The following MRC2 variants were observed in gnomAD, a reference collection of about 807,000 sequenced individuals.
The protein encoded by MRC2 is mannose receptor C-type 2.
Under a neutral mutation model 206.2 loss-of-function variants are expected in MRC2, and 84 were observed. That is an observed-to-expected ratio of 0.41 (90% CI 0.34 to 0.49). MRC2 has a LOEUF of 0.49. Ranked by LOEUF, MRC2 falls within the 20% of genes least tolerant of loss-of-function variation. The pLI is 0.31. For missense variants in MRC2, 1,676 were observed against 2,001.5 expected (o/e 0.84, Z 3.10); for synonymous variants, 798 against 800.0 (o/e 1.00, Z 0.04).
In MRC2 at chr17:62,662,948, A is replaced by G. The variant is rs145211673; in HGVS notation, c.119-1600A>G. Reference sequence around the variant, plus strand: ...AAAAAAGAAACAAAAGAAAATAAACACTAGCAGTCGGATTCATCATTTCAA... The same window carrying G: ...AAAAAAGAAACAAAAGAAAATAAACGCTAGCAGTCGGATTCATCATTTCAA... On this transcript the variant is annotated intron_variant, in intron 1 of 29. Coordinates refer to ENST00000303375, the MANE Select transcript of MRC2 (RefSeq NM_006039.5). 1.4e-3 allele frequency among the ~76,000 whole-genome samples: 218 copies of G among 152,238 alleles called. 1 individual carries two copies. Among genetic ancestry groups the G allele is most frequent in the African/African-American group, 4.9e-3 (203 of 41,532 alleles).
rs766163104 is a variant in MRC2 at position 62,689,525 on chromosome 17, C to G, written c.3338C>G (p.Pro1113Arg). 2 of 1,564,770 alleles carry G rather than the reference C, an allele frequency of 1.3e-6. No individual in the cohort carries two copies. The highest frequency in any genetic ancestry group is 1.7e-6 in the Non-Finnish European group (2 of 1,152,328). ...HGFICQKGTD[P>R]SLSPSPAALP... ...AACCCTGACCCCTTCCCTGTAGACC[C>G]CTCCCTGAGCCCGTCCCCAGCAGCG... Residue 1113 changes from proline to arginine, a missense_variant, in exon 24 of 30, where the codon CCC becomes CGC. By Grantham distance (103) the Pro-to-Arg change is moderately radical. This residue lies in a region of MRC2 where 1,354 missense variants were observed against 1,636.6 expected (regional missense o/e 0.83). Transcript: ENST00000303375.
chr17:62,651,203 C>T (rs1395220673), intron 1 of MRC2, among the ~76,000 whole-genome samples: 1 of 151,608 alleles, frequency 6.6e-6, no homozygotes, highest in Admixed American at 6.6e-5. Context: ...TCTGCCTCAG[C>T]CTCCCAAGTA....
At chr17:62,640,551 G>A (rs567593456) in intron 1 of MRC2, among the ~76,000 whole-genome samples, 7 of 152,122 alleles carry the variant, frequency 4.6e-5, no homozygotes, top group East Asian at 1.9e-4. Context: ...ACACTGTCTC[G>A]CTCTGTTGCA....
In MRC2 at chr17:62,630,921, C is replaced by T. The variant is rs1191109750; in HGVS notation, c.118+3001C>T. Among the ~76,000 whole-genome samples the T allele has an allele frequency of 2.0e-5, 3 of 152,128 alleles. No homozygotes were observed. The East Asian group carries it at 5.8e-4, about 29-fold the overall frequency. Reference sequence around the variant, plus strand: ...AAACTCAGTTTTCCTTGCTCCAACCCTCTGGCTCTCTGTGAGTCATCAGGG... The same window carrying T: ...AAACTCAGTTTTCCTTGCTCCAACCTTCTGGCTCTCTGTGAGTCATCAGGG... On this transcript the variant is annotated intron_variant, in intron 1 of 29. Transcript: ENST00000303375.
chr17:62,631,561 C>T lies in MRC2; in HGVS notation c.118+3641C>T, dbSNP rs377443353. On this transcript the variant is annotated intron_variant, in intron 1 of 29. Coordinates refer to ENST00000303375, the MANE Select transcript of MRC2 (RefSeq NM_006039.5). ...GAAATTCTGCCTTATGTGTTCTCCC[C>T]GCCCCCATAACTCCAAGCCCTCTAG... Among the ~76,000 whole-genome samples the T allele has an allele frequency of 2.0e-4, 31 of 152,216 alleles. No homozygotes were observed. The South Asian group carries it at 5.4e-3, about 26-fold the overall frequency.
chr17:62,662,748 A>C (rs2147461501), intron 1 of MRC2, among the ~76,000 whole-genome samples: 1 of 152,124 alleles, frequency 6.6e-6, no homozygotes, highest in African/African-American at 2.4e-5. Flanking sequence ...CATCTCTACT[A>C]AAAATACAAA....
intron 20 of MRC2, among the ~76,000 whole-genome samples, chr17:62,686,286 C>G (rs545643942): frequency 6.6e-6 from 1 of 152,222 alleles, no homozygotes; most frequent in South Asian, 2.1e-4. Flanking sequence ...AACCCTGTCT[C>G]TACTAAAAAT....
Position 62,692,657 on chromosome 17 carries a change from C to T in MRC2, c.*206C>T, listed in dbSNP as rs762009217. On this transcript the variant is annotated 3_prime_UTR_variant, in exon 30 of 30. Coordinates refer to ENST00000303375, the MANE Select transcript of MRC2 (RefSeq NM_006039.5). The surrounding 1 kb of genome is among the most constrained non-coding windows in gnomAD (Gnocchi z 4.2). ...TGGGCTGAGACCCAGCTGAGTGCAG[C>T]GTGGCGTTTCCCTTTCTGGGGGGGC... 8.1e-5 allele frequency: 46 copies of T among 571,092 alleles called. No individual in the cohort carries two copies. The highest frequency in any genetic ancestry group is 2.2e-4 in the South Asian group (10 of 45,634). 35.4% of individuals were successfully genotyped at this position (571,092 alleles called of 1,614,324 possible). A position where few individuals can be genotyped will look rare whatever the true frequency, so the allele number is the denominator to read the frequency against.
intron 1 of MRC2, among the ~76,000 whole-genome samples, chr17:62,656,651 C>T (rs568241668): frequency 1.3e-5 from 2 of 152,300 alleles, no homozygotes; most frequent in South Asian, 2.1e-4. Context: ...GTGCTGCAGC[C>T]GACCCAAGAG....
chr17:62,681,820 G>A lies in MRC2; in HGVS notation c.2703-17G>A. ...GGGGGCCGGTGCTGGAGTTACCTCT[G>A]CTCCATGCCATTGCAGATGGACAGA... On this transcript the variant is annotated splice_polypyrimidine_tract_variant and intron_variant, in intron 18 of 29. Transcript: ENST00000303375. The A allele has an allele frequency of 3.1e-6, 5 of 1,603,918 alleles. No homozygotes were observed. Among genetic ancestry groups the A allele is most frequent in the Non-Finnish European group, 4.3e-6 (5 of 1,172,768 alleles).
rs111697298 is a variant in MRC2 at position 62,683,192 on chromosome 17, C to T, written c.2946+815C>T. On this transcript the variant is annotated intron_variant, in intron 20 of 29. Transcript: ENST00000303375. Reference sequence around the variant, plus strand: ...TAAGTTTAAAACATTTTTTTGGCTGCGCGTGGTGGGTCATGCCTGTAATCC... The same window carrying T: ...TAAGTTTAAAACATTTTTTTGGCTGTGCGTGGTGGGTCATGCCTGTAATCC... 7.9e-4 allele frequency among the ~76,000 whole-genome samples: 120 copies of T among 151,822 alleles called. 1 individual carries two copies. Among genetic ancestry groups the T allele is most frequent in the African/African-American group, 2.8e-3 (116 of 41,464 alleles).
At chr17:62,663,603 G>A (rs2429391) in intron 1 of MRC2, among the ~76,000 whole-genome samples, 116,593 of 151,968 alleles carry the variant, frequency 0.77, 45,572 homozygotes, top group African/African-American at 0.93. Context: ...ATTTCCCCCA[G>A]TGACTTCTAC....
chr17:62,630,643 G>A (rs939719934), intron 1 of MRC2, among the ~76,000 whole-genome samples: 2 of 152,168 alleles, frequency 1.3e-5, no homozygotes, highest in African/African-American at 4.8e-5. Flanking sequence ...GGAGGTTTCC[G>A]AGCAGAGGAA....
intron 6 of MRC2, among the ~76,000 whole-genome samples, chr17:62,670,457 C>T (rs1170237075): frequency 6.6e-6 from 1 of 152,234 alleles, no homozygotes; most frequent in African/African-American, 2.4e-5. Context: ...TGTGGCTGGA[C>T]CACTGGAATC....
chr17:62,657,640 G>A (rs1305240192), intron 1 of MRC2, among the ~76,000 whole-genome samples: 1 of 149,584 alleles, frequency 6.7e-6, no homozygotes, highest in African/African-American at 2.5e-5. Context: ...AGGCTGGGGG[G>A]TGGGTGAGGC....
intron 11 of MRC2, among the ~76,000 whole-genome samples, chr17:62,676,774 C>T (rs1175560969): frequency 1.3e-5 from 2 of 152,194 alleles, no homozygotes; most frequent in African/African-American, 4.8e-5. Context: ...ATGATCCTTT[C>T]CTCATAGGGA....
At chr17:62,642,975 G>A (rs953048030) in intron 1 of MRC2, among the ~76,000 whole-genome samples, 64 of 152,164 alleles carry the variant, frequency 4.2e-4, no homozygotes, top group African/African-American at 1.5e-3. Context: ...GCCACAGCAT[G>A]GATGGAGTTC....
At chr17:62,681,315 G>C (rs1226293666) in intron 18 of MRC2, 186 bp downstream of exon 18, 1 of 659,620 alleles carries the variant, frequency 1.5e-6, no homozygotes, top group South Asian at 2.0e-5. Context: ...GGCCTGCCTG[G>C]TAAGATTTTT....
chr17:62,690,849 T>G, intron 27 of MRC2, 88 bp downstream of exon 27: 1 of 1,494,988 alleles, frequency 6.7e-7, no homozygotes, highest in Non-Finnish European at 8.9e-7. Context: ...GTCCTGGGGC[T>G]TGTCGGGGGA....
Sources: allele counts gnomAD v4.1 joint callset (sites outside exome capture counted in the v4.1 genomes callset), GRCh38; gene constraint gnomAD v4.1.1; regional missense constraint gnomAD v4.1.1; non-coding constraint Gnocchi (gnomAD v3.1); transcripts MANE v1.5; gene names NCBI Gene and HGNC (gene_info 2026-07-23, HGNC 2026-07-21).